The following ADCY2 variants were observed in gnomAD, a reference collection of about 807,000 sequenced individuals.
ADCY2 encodes adenylate cyclase type 2.
In ADCY2, 31 loss-of-function variants were observed where a neutral mutation model predicts 125.2. The ratio of observed to expected loss-of-function variants is 0.25; its 90% CI spans 0.19 to 0.33. ADCY2 has a LOEUF of 0.33. Ranked by LOEUF, ADCY2 falls within the 10% of genes least tolerant of loss-of-function variation. The pLI, the probability that ADCY2 is intolerant of heterozygous loss-of-function variation, is 1.00. For missense variants in ADCY2, 904 were observed against 1,418.2 expected (o/e 0.64, Z 5.82); for synonymous variants, 512 against 548.4 (o/e 0.93, Z 0.93).
At chr5:7,499,100 C>T (rs546563344) in intron 2 of ADCY2, among the ~76,000 whole-genome samples, 78 of 152,250 alleles carry the variant, frequency 5.1e-4, no homozygotes, top group African/African-American at 1.8e-3. Context: ...CTCTGCCTCC[C>T]GGGTTCAAGC....
chr5:7,501,646 T>G (rs10037890), intron 2 of ADCY2, among the ~76,000 whole-genome samples: 4 of 40,546 alleles, frequency 9.9e-5, no homozygotes, highest in East Asian at 1.1e-3. Flanking sequence ...GATTCCCCCC[T>G]CCCCCCCCCC....
intron 2 of ADCY2, among the ~76,000 whole-genome samples, chr5:7,508,104 G>A (rs566683278): frequency 7.5e-4 from 114 of 152,068 alleles, no homozygotes; most frequent in African/African-American, 2.6e-3. Context: ...AAAGAGCTTG[G>A]GAAGCCTGGA....
At chr5:7,811,993 T>C (rs142461912) in intron 22 of ADCY2, among the ~76,000 whole-genome samples, 84 of 152,322 alleles carry the variant, frequency 5.5e-4, no homozygotes, top group African/African-American at 2.0e-3. Flanking sequence ...TTTTACAGTC[T>C]GGGAGTGAAC....
intron 4 of ADCY2, among the ~76,000 whole-genome samples, chr5:7,636,099 C>G (rs1247349706): frequency 6.6e-6 from 1 of 152,174 alleles, no homozygotes; most frequent in African/African-American, 2.4e-5. Flanking sequence ...CAGCCACTCT[C>G]CCAGAGAGCC....
intron 2 of ADCY2, among the ~76,000 whole-genome samples, chr5:7,489,510 T>A (rs976265901): frequency 6.6e-6 from 1 of 152,146 alleles, no homozygotes; most frequent in Non-Finnish European, 1.5e-5. Flanking sequence ...AGGCATATGG[T>A]AGTGAGTGAG....
At chr5:7,805,432 C>T (rs1579457806) in intron 22 of ADCY2, among the ~76,000 whole-genome samples, 5 of 151,878 alleles carry the variant, frequency 3.3e-5, no homozygotes, top group South Asian at 4.2e-4. Context: ...CTAAGGTTTT[C>T]GAGATTTTCT....
chr5:7,820,694 T>TGC lies in ADCY2; in HGVS notation c.3123+6_3123+7dup. The TGC allele has an allele frequency of 6.2e-7, 1 of 1,613,002 alleles. No individual in the cohort carries two copies. The highest frequency in any genetic ancestry group is 8.5e-7 in the Non-Finnish European group (1 of 1,179,352). On this transcript the variant is annotated splice_donor_region_variant and intron_variant, in intron 24 of 24. Coordinates refer to ENST00000338316, the MANE Select transcript of ADCY2 (RefSeq NM_020546.3). ...GGAGTCCTGGACAAAATACAGGTAA[T>TGC]GCAGAGTGTGGTCTGCGCTGCCTGC...
At chr5:7,561,017 C>T (rs112055062) in intron 3 of ADCY2, among the ~76,000 whole-genome samples, 7 of 152,226 alleles carry the variant, frequency 4.6e-5, no homozygotes, top group East Asian at 1.9e-4. Context: ...AAAATATGTT[C>T]GTAGTTTGTT....
chr5:7,682,837 A>G (rs541992853), intron 4 of ADCY2, among the ~76,000 whole-genome samples: 13 of 152,250 alleles, frequency 8.5e-5, no homozygotes, highest in Non-Finnish European at 1.9e-4. Flanking sequence ...TTTGGAGAAT[A>G]TAGACAACAA....
intron 3 of ADCY2, among the ~76,000 whole-genome samples, chr5:7,597,563 C>T (rs1263083588): frequency 6.6e-6 from 1 of 152,100 alleles, no homozygotes; most frequent in African/African-American, 2.4e-5. Context: ...TCACTTAAGC[C>T]CAGGAGTGCA....
chr5:7,533,313 T>TA (rs1734711462), intron 3 of ADCY2, among the ~76,000 whole-genome samples: 1 of 151,932 alleles, frequency 6.6e-6, no homozygotes. Context: ...ATTCCCTCTG[T>TA]ATTTGCGCTT....
chr5:7,427,870 C>A (rs1238949150), intron 2 of ADCY2, among the ~76,000 whole-genome samples: 1 of 152,148 alleles, frequency 6.6e-6, no homozygotes, highest in Non-Finnish European at 1.5e-5. Flanking sequence ...GCCCAGCGGA[C>A]CTAAAATTCA....
At chr5:7,526,407 G>A (rs1429711452) in intron 3 of ADCY2, among the ~76,000 whole-genome samples, 2 of 152,178 alleles carry the variant, frequency 1.3e-5, no homozygotes, top group Non-Finnish European at 2.9e-5. Context: ...CGGTAGTATG[G>A]TAGGGAAATT....
intron 4 of ADCY2, among the ~76,000 whole-genome samples, chr5:7,682,045 C>G (rs1740356438): frequency 6.6e-6 from 1 of 152,192 alleles, no homozygotes; most frequent in Non-Finnish European, 1.5e-5. Flanking sequence ...GCAAGCCATG[C>G]AACCTATTTG....
intron 7 of ADCY2, 31 bp downstream of exon 7, chr5:7,698,405 A>G (rs376846568): frequency 7.4e-5 from 120 of 1,612,600 alleles, no homozygotes; most frequent in Admixed American, 1.3e-4. Context: ...GCATTTTGTT[A>G]TATGCTTTAA....
chr5:7,638,959 T>C (rs1017483157), intron 4 of ADCY2, among the ~76,000 whole-genome samples: 3 of 152,162 alleles, frequency 2.0e-5, no homozygotes, highest in African/African-American at 2.4e-5. Flanking sequence ...TGAGATCTGA[T>C]GGTTTTAAAA....
intron 7 of ADCY2, among the ~76,000 whole-genome samples, chr5:7,705,548 G>A (rs1463693099): frequency 2.6e-5 from 4 of 152,134 alleles, no homozygotes; most frequent in African/African-American, 9.7e-5. Flanking sequence ...TATAAGCAGA[G>A]TCCGGAGGTG....
intron 9 of ADCY2, 81 bp downstream of exon 9, chr5:7,707,919 TCCA>T (rs754018990): frequency 2.7e-5 from 40 of 1,462,692 alleles, no homozygotes; most frequent in Non-Finnish European, 3.6e-5. Flanking sequence ...TTAGTCAATA[TCCA>T]ATATAATTCT....
chr5:7,454,664 A>T (rs1275269703), intron 2 of ADCY2, among the ~76,000 whole-genome samples: 7 of 152,242 alleles, frequency 4.6e-5, no homozygotes, highest in African/African-American at 1.7e-4. Flanking sequence ...ACATGCAATG[A>T]AGGAAACAAA....
Sources: gnomAD v4.1 joint callset for allele counts (sites outside exome capture counted in the v4.1 genomes callset) on GRCh38, gnomAD v4.1.1 for gene constraint, MANE v1.5 for transcripts, NCBI Gene and HGNC (gene_info 2026-07-23, HGNC 2026-07-21) for gene names.